GTF2H1: variants seen among roughly 807,000 people sequenced by gnomAD.
GTF2H1 encodes general transcription factor IIH subunit 1, also known as BTF2 p62.
Under a neutral mutation model 71.2 loss-of-function variants are expected in GTF2H1, and 16 were observed. The observed-to-expected ratio is 0.22, with a 90% CI of 0.15 to 0.34. The LOEUF (loss-of-function observed/expected upper bound fraction) is 0.34. GTF2H1 is among the 10% of genes least tolerant of loss of function. The pLI, the probability that GTF2H1 is intolerant of heterozygous loss-of-function variation, is 1.00. For missense variants in GTF2H1, 498 were observed against 648.2 expected (o/e 0.77, Z 2.52); for synonymous variants, 215 against 219.0 (o/e 0.98, Z 0.16).
At chr11:18,359,627 A>C (rs1865648560) in intron 13 of GTF2H1, among the ~76,000 whole-genome samples, 1 of 152,240 alleles carries the variant, frequency 6.6e-6, no homozygotes. Flanking sequence ...TCTAAGATAG[A>C]GGAAATGGCC....
intron 1 of GTF2H1, among the ~76,000 whole-genome samples, chr11:18,323,805 T>G (rs1363016682): frequency 1.4e-5 from 2 of 139,364 alleles, no homozygotes; most frequent in Non-Finnish European, 2.9e-5. Flanking sequence ...TGGAACACAG[T>G]TTGAAAACCA....
In GTF2H1 at chr11:18,360,643, G is replaced by A. The variant is rs1318881331; in HGVS notation, c.1496G>A (p.Arg499Gln). The A allele has an allele frequency of 4.5e-6, 7 of 1,553,044 alleles. No homozygotes were observed. The highest frequency in any genetic ancestry group is 6.1e-6 in the Non-Finnish European group (7 of 1,151,598). The change falls in exon 14 of 15, where the codon CGA becomes CAA. Residue 499 changes from arginine to glutamine, a missense_variant. Arg to Gln is a conservative substitution (Grantham distance 43). Coordinates refer to ENST00000265963, the MANE Select transcript of GTF2H1 (RefSeq NM_005316.4). The part of the protein sequence containing the change: ...KVVKMKSNLE[R>Q]FQVTKLCPFQ... ...GTGAAAATGAAAAGTAATTTGGAAC[G>A]ATTCCAAGTTACGAAGCTCTGTCCA...
In GTF2H1 at chr11:18,360,467, A is replaced by G. The variant is rs1865669962; in HGVS notation, c.1468-148A>G. 2.9e-5 allele frequency: 15 copies of G among 514,948 alleles called. No individual in the cohort carries two copies. The Admixed American group carries it at 6.2e-4, about 21-fold the overall frequency. 31.9% of individuals were successfully genotyped at this position (514,948 alleles called of 1,614,324 possible). A position where few individuals can be genotyped will look rare whatever the true frequency, so the allele number is the denominator to read the frequency against. ...AGATATTCACATTGAAGGGTTAACA[A>G]TGTGATATAATTGGTATATTTTTAT... On this transcript the variant is annotated intron_variant, in intron 13 of 14. Coordinates refer to ENST00000265963, the MANE Select transcript of GTF2H1 (RefSeq NM_005316.4).
At chr11:18,359,780 T>A (rs7947378) in intron 13 of GTF2H1, among the ~76,000 whole-genome samples, 2 of 151,174 alleles carry the variant, frequency 1.3e-5, no homozygotes, top group East Asian at 2.0e-4. Flanking sequence ...GAGTGATCTC[T>A]GCTCACTGCA....
At chr11:18,332,899 A>G in intron 1 of GTF2H1, 161 bp from the exon 2 acceptor site, 1 of 505,412 alleles carries the variant, frequency 2.0e-6, no homozygotes, top group Non-Finnish European at 3.4e-6. Context: ...GATGCCGTGC[A>G]ACTTTATCTT....
chr11:18,342,020 TG>T (rs1565010200), intron 7 of GTF2H1: 2 of 159,482 alleles, frequency 1.3e-5, no homozygotes, highest in African/African-American at 4.8e-5. Context: ...CCTTATACCA[TG>T]CCAACCCCAA....
rs1865814163 is a variant in GTF2H1 at position 18,365,880 on chromosome 11, A to G, written c.*11A>G. ...ATGAAGAAAACGTGAGGTGGCCATG[A>G]TGCTTACAGGTTTTGTGAGATTGAG... On this transcript the variant is annotated 3_prime_UTR_variant, in exon 15 of 15. Coordinates refer to ENST00000265963, the MANE Select transcript of GTF2H1 (RefSeq NM_005316.4). The G allele has an allele frequency of 1.3e-6, 2 of 1,596,734 alleles. No individual in the cohort carries two copies. Among genetic ancestry groups the G allele is most frequent in the Non-Finnish European group, 1.7e-6 (2 of 1,164,382 alleles).
chr11:18,338,807 C>T (rs1045119706), intron 4 of GTF2H1, among the ~76,000 whole-genome samples: 2 of 151,942 alleles, frequency 1.3e-5, no homozygotes, highest in Non-Finnish European at 2.9e-5. Context: ...TTTCTTTTTA[C>T]CAGTTATGTT....
intron 1 of GTF2H1, among the ~76,000 whole-genome samples, chr11:18,329,464 A>G (rs1864844476): frequency 6.6e-6 from 1 of 152,230 alleles, no homozygotes; most frequent in African/African-American, 2.4e-5. Context: ...ATGTCTGTTC[A>G]TTCTGCTGCT....
rs932060067 is a variant in GTF2H1 at position 18,326,939 on chromosome 11, T to C, written c.-16+4199T>C. Among the ~76,000 whole-genome samples, 104 of 152,118 alleles carry C rather than the reference T, an allele frequency of 6.8e-4. 1 individual carries two copies. The highest frequency in any genetic ancestry group is 2.2e-3 in the African/African-American group (90 of 41,422). ...TCTACAGAGTGGGCTTTTTAAAATA[T>C]GTTCTCTAACTCCCAACCTCAAGTG... is the stretch of plus-strand genomic sequence containing the variant. On this transcript the variant is annotated intron_variant, in intron 1 of 14. Transcript: ENST00000265963.
chr11:18,358,877 C>T (rs114920340), intron 13 of GTF2H1, among the ~76,000 whole-genome samples: 5,042 of 152,212 alleles, frequency 0.033, 272 homozygotes, highest in African/African-American at 0.11. Flanking sequence ...CAACTTAAAA[C>T]TTGTATCTAC....
At position 18,347,604 on chromosome 11, in the gene GTF2H1, C is replaced by T. The variant is rs4150636; in HGVS notation, c.854C>T (p.Ser285Phe). 66 of 1,608,396 alleles carry T rather than the reference C, an allele frequency of 4.1e-5. No homozygotes were observed. The Middle Eastern group carries it at 8.2e-4, about 20-fold the overall frequency. ...KPLDEGYGIS[S>F]VPSASNSKSI... ...TTCTCACAGGGCTATGGCATTTCCTCTGTGCCATCTGCTTCCAATTCTAAA... is the reference window on the plus strand; with the variant it reads ...TTCTCACAGGGCTATGGCATTTCCTTTGTGCCATCTGCTTCCAATTCTAAA... The change falls in exon 8 of 15, where the codon TCT becomes TTT. Residue 285 changes from serine (S) to phenylalanine (F), a missense_variant. Coordinates refer to ENST00000265963, the MANE Select transcript of GTF2H1 (RefSeq NM_005316.4).
At position 18,352,314 on chromosome 11, in the gene GTF2H1, T is replaced by C. The variant is rs1865446012; in HGVS notation, c.1143-15T>C. Reference sequence around the variant, plus strand: ...ACTGTGTGTGATTAGTAATTTCTTCTGTGCTAACCTGCAGGTATTATCATG... The same window carrying C: ...ACTGTGTGTGATTAGTAATTTCTTCCGTGCTAACCTGCAGGTATTATCATG... On this transcript the variant is annotated splice_polypyrimidine_tract_variant and intron_variant, in intron 10 of 14. Transcript: ENST00000265963. 2 of 1,095,830 alleles carry C rather than the reference T, an allele frequency of 1.8e-6. No homozygotes were observed. The highest frequency in any genetic ancestry group is 2.6e-5 in the South Asian group (2 of 78,004). 67.9% of individuals were successfully genotyped at this position (1,095,830 alleles called of 1,614,324 possible). A position where few individuals can be genotyped will look rare whatever the true frequency, so the allele number is the denominator to read the frequency against.
rs914877058 is a variant in GTF2H1, at chr11:18,359,341, G to A, written c.1467+701G>A. Among the ~76,000 whole-genome samples, 7 of 152,120 alleles carry A rather than the reference G, an allele frequency of 4.6e-5. 1 individual carries two copies. The highest frequency in any genetic ancestry group is 1.0e-4 in the Non-Finnish European group (7 of 68,026). On this transcript the variant is annotated intron_variant, in intron 13 of 14. Coordinates refer to ENST00000265963, the MANE Select transcript of GTF2H1 (RefSeq NM_005316.4). ...GAATTGTTTGAGCCCAGGAGTTGGA[G>A]ACCAGCCTGGACAACATAGCAAGAC... is the stretch of plus-strand genomic sequence containing the variant.
At chr11:18,331,146 C>G (rs1864885326) in intron 1 of GTF2H1, among the ~76,000 whole-genome samples, 1 of 152,162 alleles carries the variant, frequency 6.6e-6, no homozygotes, top group East Asian at 1.9e-4. Flanking sequence ...CTCCTGGGCT[C>G]AAGCGATTCT....
intron 14 of GTF2H1, 101 bp downstream of exon 14, chr11:18,360,808 T>C: frequency 5.5e-6 from 1 of 181,726 alleles, no homozygotes; most frequent in South Asian, 1.1e-4. Flanking sequence ...CTTAATTTTC[T>C]TTTTTTTTTT....
chr11:18,339,865 T>C (rs1264381380), intron 5 of GTF2H1, among the ~76,000 whole-genome samples: 2 of 152,218 alleles, frequency 1.3e-5, no homozygotes, highest in African/African-American at 2.4e-5. Flanking sequence ...CATTCGAGTC[T>C]GTCTGTACTA....
chr11:18,346,059 G>A (rs1248382619), intron 7 of GTF2H1, among the ~76,000 whole-genome samples: 1 of 152,132 alleles, frequency 6.6e-6, no homozygotes, highest in African/African-American at 2.4e-5. Flanking sequence ...CAAAGTGTTG[G>A]GATTACAGGC....
At chr11:18,350,838 G>A (rs1044616590) in intron 9 of GTF2H1, among the ~76,000 whole-genome samples, 2 of 152,132 alleles carry the variant, frequency 1.3e-5, no homozygotes, top group Non-Finnish European at 2.9e-5. Flanking sequence ...TAAGTAATAT[G>A]TTTGTATTAT....
Sources: allele counts gnomAD v4.1 joint callset (sites outside exome capture counted in the v4.1 genomes callset), GRCh38; gene constraint gnomAD v4.1.1; transcripts MANE v1.5; gene names NCBI Gene and HGNC (gene_info 2026-07-23, HGNC 2026-07-21).